Variants in ENTPD5 observed in about 807,000 individuals in gnomAD.
The protein encoded by ENTPD5 is ectonucleoside triphosphate diphosphohydrolase 5 (inactive).
Under a neutral mutation model 60.2 loss-of-function variants are expected in ENTPD5, and 49 were observed. The observed-to-expected ratio is 0.81, with a 90% CI of 0.65 to 1.03. The LOEUF (loss-of-function observed/expected upper bound fraction) is 1.03. Among genes scored for constraint, ENTPD5 ranks in the 50% least tolerant of loss-of-function variants. The pLI, the probability that ENTPD5 is intolerant of heterozygous loss-of-function variation, is 0.00. For missense variants in ENTPD5, 480 were observed against 507.6 expected, an observed-to-expected ratio of 0.95 and a Z score of 0.52; for synonymous variants, 187 against 185.4, an observed-to-expected ratio of 1.01 and a Z score of -0.07.
At chr14:73,974,010 A>G in intron 11 of ENTPD5, 32 bp from the exon 12 acceptor site, 1 of 1,592,534 alleles carries the variant, frequency 6.3e-7, no homozygotes, top group Non-Finnish European at 8.6e-7. Context: ...GGTAAGAGGT[A>G]AGTAAGTGAG....
chr14:74,012,115 AT>A (rs1389980811), intron 2 of ENTPD5, among the ~76,000 whole-genome samples: 3 of 151,888 alleles, frequency 2.0e-5, no homozygotes, highest in Non-Finnish European at 4.4e-5. Context: ...ATTTATTTTT[AT>A]TTTTTTGAGA....
downstream of ENTPD5, chr14:73,958,592 A>G: frequency 2.3e-6 from 3 of 1,288,642 alleles, no homozygotes; most frequent in Non-Finnish European, 3.0e-6. Flanking sequence ...CTTGCCTCTC[A>G]TTTTTCTCCT....
chr14:73,971,789 A>T, intron 14 of ENTPD5, 63 bp downstream of exon 14: 1 of 1,110,140 alleles, frequency 9.0e-7, no homozygotes, highest in Non-Finnish European at 1.4e-6. Flanking sequence ...AGGTCACTTT[A>T]GGTCACTAGA....
rs1262024414 is a variant in ENTPD5 at position 73,964,646 on chromosome 14, T to TC, written c.*2281dup. The TC allele has an allele frequency of 3.3e-5, 5 of 152,214 alleles. No individual in the cohort carries two copies. The highest frequency in any genetic ancestry group is 5.9e-5 in the Non-Finnish European group (4 of 68,036). 9.4% of individuals were successfully genotyped at this position (152,214 alleles called of 1,614,324 possible). On this transcript the variant is annotated 3_prime_UTR_variant, in exon 16 of 16. Transcript: ENST00000334696. ...CTTACCTCTTTTAAAACTGCTGGTT[T>TC]CTACTGAAGGAAACATGGATGACAT...
At chr14:73,986,917 A>G (rs2057925330) in intron 4 of ENTPD5, 24 bp from the exon 5 acceptor site, 1 of 1,590,064 alleles carries the variant, frequency 6.3e-7, no homozygotes, top group Admixed American at 1.7e-5. Flanking sequence ...GGAACAAAAC[A>G]GAAGAGAGAG....
At chr14:74,004,690 A>G (rs2058616981) in intron 3 of ENTPD5, among the ~76,000 whole-genome samples, 1 of 126,766 alleles carries the variant, frequency 7.9e-6, no homozygotes, top group Non-Finnish European at 1.8e-5. Context: ...GATCCTCCAT[A>G]GGGCTGCTTG....
chr14:73,956,846 C>G (rs2056459759), downstream of ENTPD5: 2 of 152,054 alleles, frequency 1.3e-5, no homozygotes, highest in Admixed American at 1.3e-4. Flanking sequence ...GATAGTAGTT[C>G]ATGCAGTGAA....
chr14:73,962,798 C>G, downstream of ENTPD5: 1 of 632,146 alleles, frequency 1.6e-6, no homozygotes, highest in Non-Finnish European at 2.8e-6. Context: ...GCCCAGTCAA[C>G]AGAGTGAGAC....
At chr14:73,984,055 T>TA (rs1000629878) in intron 5 of ENTPD5, among the ~76,000 whole-genome samples, 5 of 150,240 alleles carry the variant, frequency 3.3e-5, no homozygotes, top group African/African-American at 1.2e-4. Context: ...AAGACGGAAT[T>TA]TTGCTCTTGT....
chr14:74,009,793 A>G (rs11625830), intron 3 of ENTPD5, among the ~76,000 whole-genome samples: 46,463 of 149,456 alleles, frequency 0.31, 9,110 homozygotes, highest in Non-Finnish European at 0.43. Context: ...CATGTTTTCG[A>G]TTTTTTTTTT....
intron 3 of ENTPD5, among the ~76,000 whole-genome samples, chr14:74,005,193 G>A (rs11159053): frequency 6.7e-6 from 1 of 148,172 alleles, no homozygotes; most frequent in East Asian, 2.0e-4. Flanking sequence ...TTGAACCCGG[G>A]AGATGGAGGT....
chr14:73,986,860 T>A lies in ENTPD5; in HGVS notation c.251A>T (p.Asp84Val). 6.2e-7 allele frequency: 1 copy of A among 1,614,078 alleles called. No individual in the cohort carries two copies. Among genetic ancestry groups the A allele is most frequent in the Non-Finnish European group, 8.5e-7 (1 of 1,179,976 alleles). The part of the protein sequence containing the change: ...QLPILEGEVF[D>V]SVKPGLSAFV... ...AGCAGAAAGTCCTGGCTTCACAGAA[T>A]CAAAAACTTCCCCTTCTAGAATTGG... Residue 84 changes from aspartate (D) to valine (V), a missense_variant, in exon 5 of 16, where the codon GAT becomes GTT. Physicochemically the swap from Asp to Val is radical, Grantham distance 152 (BLOSUM62 -3). Transcript: ENST00000334696.
chr14:73,979,162 C>T (rs2057567749), intron 6 of ENTPD5, among the ~76,000 whole-genome samples: 1 of 152,156 alleles, frequency 6.6e-6, no homozygotes, highest in South Asian at 2.1e-4. Context: ...GTGTAACTTG[C>T]TTCTTCATCC....
intron 3 of ENTPD5, among the ~76,000 whole-genome samples, chr14:74,005,775 C>T (rs1258151743): frequency 6.6e-6 from 1 of 151,952 alleles, no homozygotes; most frequent in Admixed American, 6.6e-5. Flanking sequence ...CCACTGCACT[C>T]CAGCCTGGGA....
In ENTPD5 at chr14:73,966,438, T is replaced by C. The variant is rs72723776; in HGVS notation, c.*490A>G. 0.16 allele frequency: 23,763 copies of C among 152,532 alleles called. 1,962 individuals carry two copies. Among genetic ancestry groups the C allele is most frequent in the Admixed American group, 0.21 (3,187 of 15,296 alleles). 9.4% of individuals were successfully genotyped at this position (152,532 alleles called of 1,614,324 possible). ...ATTCTGACATGGTCCCATTTTGCGT[T>C]GTTGAATTATACATGGAAAGCAAAA... On this transcript the variant is annotated 3_prime_UTR_variant, in exon 16 of 16. Transcript: ENST00000334696.
rs771349351 is a variant in ENTPD5 at position 73,970,132 on chromosome 14, G to C, written c.1085-7C>G. ...TTTTCCAAGTTATCACACACTGAAAGAGAGAGTAAACAGTGGAGCTCAAGT... is the reference window on the plus strand; with the variant it reads ...TTTTCCAAGTTATCACACACTGAAACAGAGAGTAAACAGTGGAGCTCAAGT... On this transcript the variant is annotated splice_polypyrimidine_tract_variant and splice_region_variant and intron_variant, in intron 14 of 15. Coordinates refer to ENST00000334696, the MANE Select transcript of ENTPD5 (RefSeq NM_001249.5). 4 of 1,596,740 alleles carry C rather than the reference G, an allele frequency of 2.5e-6. No individual in the cohort carries two copies. The highest frequency in any genetic ancestry group is 3.4e-6 in the Non-Finnish European group (4 of 1,164,430).
intron 2 of ENTPD5, among the ~76,000 whole-genome samples, chr14:74,013,060 G>T (rs1195770076): frequency 1.3e-5 from 2 of 152,084 alleles, no homozygotes; most frequent in African/African-American, 4.8e-5. Context: ...ACTTTAGCAC[G>T]CATCAGAACC....
chr14:73,984,398 T>C (rs2057815602), intron 5 of ENTPD5, among the ~76,000 whole-genome samples: 1 of 152,204 alleles, frequency 6.6e-6, no homozygotes, highest in Non-Finnish European at 1.5e-5. Context: ...ATAGTGCATG[T>C]GGTTACCACA....
At chr14:73,997,631 C>A (rs1026500182) in intron 3 of ENTPD5, among the ~76,000 whole-genome samples, 4 of 152,052 alleles carry the variant, frequency 2.6e-5, no homozygotes, top group Non-Finnish European at 5.9e-5. Context: ...CCAAGCAAAA[C>A]CAAGGTAGGT....
Sources: allele counts gnomAD v4.1 joint callset (sites outside exome capture counted in the v4.1 genomes callset), GRCh38; gene constraint gnomAD v4.1.1; transcripts MANE v1.5; gene names NCBI Gene and HGNC (gene_info 2026-07-23, HGNC 2026-07-21).